MYO1B: variants seen among roughly 807,000 people sequenced by gnomAD.
MYO1B encodes the protein unconventional myosin-Ib.
A neutral mutation model predicts 159.7 loss-of-function variants in MYO1B; 72 were observed. That is an observed-to-expected ratio of 0.45 (90% confidence interval 0.37 to 0.55). MYO1B has a LOEUF of 0.55. Among genes scored for constraint, MYO1B ranks in the 20% least tolerant of loss-of-function variants. MYO1B has a pLI of 0.00. For synonymous variants in MYO1B, 468 were observed against 473.8 expected, an observed-to-expected ratio of 0.99 and a Z score of 0.16; for missense variants, 1,062 against 1,364.8, an observed-to-expected ratio of 0.78 and a Z score of 3.50.
chr2:191,272,855 G>A (rs1687536842), intron 1 of MYO1B, among the ~76,000 whole-genome samples: 3 of 152,316 alleles, frequency 2.0e-5, no homozygotes, highest in Admixed American at 2.0e-4. Context: ...AGGTCCTCAT[G>A]CCTGTGCCTT....
intron 4 of MYO1B, among the ~76,000 whole-genome samples, chr2:191,339,236 A>C (rs1217728659): frequency 6.6e-6 from 1 of 152,198 alleles, no homozygotes; most frequent in African/African-American, 2.4e-5. Context: ...AAAGGCAGAG[A>C]GCCTAGAAAG....
intron 2 of MYO1B, among the ~76,000 whole-genome samples, chr2:191,290,011 T>C (rs187124675): frequency 3.5e-4 from 54 of 152,376 alleles, no homozygotes; most frequent in Non-Finnish European, 6.8e-4. Flanking sequence ...CTAAAATATT[T>C]AACTTTTTGG....
intron 24 of MYO1B, among the ~76,000 whole-genome samples, chr2:191,407,441 TACAA>T (rs1696991627): frequency 6.6e-6 from 1 of 152,240 alleles, no homozygotes; most frequent in African/African-American, 2.4e-5. Context: ...TCATTTGTTA[TACAA>T]ACACTCCACT....
rs371254273 is a variant in MYO1B at position 191,250,285 on chromosome 2, GAC to G, written c.-10+4660_-10+4661del. 2.4e-4 allele frequency among the ~76,000 whole-genome samples: 37 copies of G among 152,330 alleles called. 1 individual carries two copies. The East Asian group carries it at 3.1e-3, about 13-fold the overall frequency. ...ACTGAACACAGGTGCCAGCTTCTCT[GAC>G]TTAGGTTTTATTTCCTCCAATCTCC... On this transcript the variant is annotated intron_variant, in intron 1 of 30. Coordinates refer to ENST00000392318, the MANE Select transcript of MYO1B (RefSeq NM_001130158.3).
chr2:191,408,044 A>G lies in MYO1B; in HGVS notation c.2557-71A>G. ...CTTGTTTGACATTTTTTCATTTTTA[A>G]TAGAGGTGTATCATTATGGACCTGT... is the stretch of plus-strand genomic sequence containing the variant. On this transcript the variant is annotated intron_variant, in intron 24 of 30. Transcript: ENST00000392318. 6 of 950,612 alleles carry G rather than the reference A, an allele frequency of 6.3e-6. 1 individual carries two copies. The South Asian group carries it at 9.5e-5, about 15-fold the overall frequency. The allele number at this position is 950,612 out of a possible 1,614,324, so 58.9% of individuals were successfully genotyped here. A position where few individuals can be genotyped will look rare whatever the true frequency, so the allele number is the denominator to read the frequency against.
At chr2:191,313,907 A>G (rs1053564897) in intron 3 of MYO1B, among the ~76,000 whole-genome samples, 3 of 152,232 alleles carry the variant, frequency 2.0e-5, no homozygotes, top group Admixed American at 2.0e-4. Context: ...GGCCCAGCCT[A>G]ACTGCGAAGG....
chr2:191,326,039 A>G (rs1256777796), intron 3 of MYO1B, among the ~76,000 whole-genome samples: 1 of 152,206 alleles, frequency 6.6e-6, no homozygotes, highest in Admixed American at 6.5e-5. Flanking sequence ...GAAGAAGAGG[A>G]TAAAACCATG....
At chr2:191,421,446 C>G (rs1196853191) in intron 30 of MYO1B, among the ~76,000 whole-genome samples, 1 of 151,970 alleles carries the variant, frequency 6.6e-6, no homozygotes, top group Non-Finnish European at 1.5e-5. Context: ...GAAAGAAGTT[C>G]CTATACATTT....
intron 13 of MYO1B, among the ~76,000 whole-genome samples, chr2:191,372,904 T>TG: frequency 7.2e-6 from 1 of 138,010 alleles, no homozygotes; most frequent in East Asian, 2.0e-4. Context: ...TTTTTTTTTT[T>TG]TGTGACGGAG....
chr2:191,277,190 C>T (rs918893483), intron 2 of MYO1B, among the ~76,000 whole-genome samples, 160 bp downstream of exon 2: 1 of 152,082 alleles, frequency 6.6e-6, no homozygotes, highest in Non-Finnish European at 1.5e-5. Flanking sequence ...ACTGATTTAG[C>T]CCATGAGTAA....
chr2:191,403,264 T>C (rs1276489587), intron 24 of MYO1B, among the ~76,000 whole-genome samples: 1 of 152,212 alleles, frequency 6.6e-6, no homozygotes, highest in Admixed American at 6.5e-5. Context: ...GATCAGTGGA[T>C]CATTCATGTT....
intron 1 of MYO1B, among the ~76,000 whole-genome samples, chr2:191,258,391 T>C (rs1185977373): frequency 6.6e-6 from 1 of 152,224 alleles, no homozygotes; most frequent in Non-Finnish European, 1.5e-5. Context: ...GAAGTTGCTC[T>C]GGGGGAGTCA....
chr2:191,371,714 G>A (rs1694376601), intron 13 of MYO1B, among the ~76,000 whole-genome samples: 1 of 152,150 alleles, frequency 6.6e-6, no homozygotes, highest in South Asian at 2.1e-4. Flanking sequence ...GTATCTGGAA[G>A]TAAGAAAAAA....
chr2:191,411,237 G>A (rs113074278), intron 27 of MYO1B, 65 bp downstream of exon 27: 49 of 1,008,278 alleles, frequency 4.9e-5, no homozygotes, highest in Middle Eastern at 4.3e-4. Flanking sequence ...ATATTTGTAC[G>A]CCGTTTTGCC....
At chr2:191,363,914 C>T in intron 10 of MYO1B, 39 bp downstream of exon 10, 1 of 1,611,676 alleles carries the variant, frequency 6.2e-7, no homozygotes, top group South Asian at 1.1e-5. Flanking sequence ...GTTTAGGAAA[C>T]TTGCTTTGAA....
chr2:191,256,262 G>A (rs1470721204), intron 1 of MYO1B, among the ~76,000 whole-genome samples: 1 of 152,126 alleles, frequency 6.6e-6, no homozygotes, highest in Admixed American at 6.5e-5. Context: ...AGTAGCCCCC[G>A]GACCCTGGGC....
chr2:191,291,473 C>T (rs2125795668), intron 2 of MYO1B, among the ~76,000 whole-genome samples: 1 of 152,228 alleles, frequency 6.6e-6, no homozygotes, highest in South Asian at 2.1e-4. Flanking sequence ...TTCTTGTTTG[C>T]TTCTCTTCCC....
chr2:191,387,495 C>A (rs1695465925), intron 17 of MYO1B, 45 bp downstream of exon 17: 1 of 1,522,992 alleles, frequency 6.6e-7, no homozygotes, highest in Non-Finnish European at 9.1e-7. Context: ...TGTGAGAGCA[C>A]CCCGAAGGAA....
intron 13 of MYO1B, among the ~76,000 whole-genome samples, chr2:191,373,308 A>T (rs1694494195): frequency 6.6e-6 from 1 of 152,158 alleles, no homozygotes; most frequent in African/African-American, 2.4e-5. Context: ...ATCTCTGGAG[A>T]TGGGGCTGCA....
Sources: allele counts gnomAD v4.1 joint callset (sites outside exome capture counted in the v4.1 genomes callset), GRCh38; gene constraint gnomAD v4.1.1; transcripts MANE v1.5; gene names NCBI Gene and HGNC (gene_info 2026-07-23, HGNC 2026-07-21).